Variants in CAPN2 observed in about 807,000 individuals in gnomAD.
The protein encoded by CAPN2 is calpain 2, also known as calpain-2 catalytic subunit.
In CAPN2, 92 loss-of-function variants were observed where a neutral mutation model predicts 102.3. The observed-to-expected ratio is 0.90, with a 90% confidence interval of 0.76 to 1.07. CAPN2 has a LOEUF of 1.07. Ranked by LOEUF, CAPN2 falls within the 50% of genes least tolerant of loss-of-function variation. The probability of loss-of-function intolerance (pLI) is 0.00; values close to 1 mark genes in which losing one functional copy is unlikely to be tolerated. For synonymous variants in CAPN2, 340 were observed against 355.4 expected (o/e 0.96, Z 0.49); for missense variants, 800 against 909.4 (o/e 0.88, Z 1.55).
intron 1 of CAPN2, among the ~76,000 whole-genome samples, chr1:223,706,944 G>GCTAATTA (rs1329056676): frequency 6.6e-6 from 1 of 151,952 alleles, no homozygotes; most frequent in East Asian, 1.9e-4. Flanking sequence ...GCTGGGCATG[G>GCTAATTA]CAGTGAGCCC....
chr1:223,749,482 C>T (rs1660833186), intron 6 of CAPN2: 1 of 254,490 alleles, frequency 3.9e-6, no homozygotes, highest in Non-Finnish European at 7.5e-6. Context: ...CTTTTGATCT[C>T]GTAAAAGTAT....
intron 1 of CAPN2, among the ~76,000 whole-genome samples, chr1:223,715,029 A>G (rs1171878483): frequency 6.6e-6 from 1 of 152,210 alleles, no homozygotes; most frequent in Non-Finnish European, 1.5e-5. Flanking sequence ...ACTTGCTCAG[A>G]GTCAAGTGGA....
chr1:223,742,769 C>A (rs1363906011), intron 2 of CAPN2, among the ~76,000 whole-genome samples: 1 of 152,152 alleles, frequency 6.6e-6, no homozygotes, highest in Non-Finnish European at 1.5e-5. Flanking sequence ...AACCCACTGA[C>A]CTTGGCCTCC....
intron 2 of CAPN2, among the ~76,000 whole-genome samples, chr1:223,740,823 C>T (rs1660592879): frequency 6.6e-6 from 1 of 152,204 alleles, no homozygotes; most frequent in African/African-American, 2.4e-5. Context: ...CTTTACACCT[C>T]TTAAGGACAA....
In CAPN2 at chr1:223,749,260, C is replaced by T. The variant is rs28370067; in HGVS notation, c.813+138C>T. 3.4e-4 allele frequency: 245 copies of T among 711,580 alleles called. No homozygotes were observed. The African/African-American group carries it at 4.1e-3, about 12-fold the overall frequency. 44.1% of individuals were successfully genotyped at this position (711,580 alleles called of 1,614,324 possible). ...CTCGGGCCCCGCACTCCTGAAGTTC[C>T]GCGCGGGAGGAGAAGGGCGTCCCTT... On this transcript the variant is annotated intron_variant, in intron 6 of 20. Transcript: ENST00000295006.
rs367844075 is a variant in CAPN2 at position 223,774,163 on chromosome 1, C to G, written c.2080-671C>G. On this transcript the variant is annotated intron_variant, in intron 20 of 20. Coordinates refer to ENST00000295006, the MANE Select transcript of CAPN2 (RefSeq NM_001748.5). ...CTATTCTACCCCAGCCACCCACCCC[C>G]ACTCCAGGGTCCACCTGGCCTGCCT... is the stretch of plus-strand genomic sequence containing the variant. 3.9e-5 allele frequency among the ~76,000 whole-genome samples: 6 copies of G among 152,068 alleles called. No individual in the cohort carries two copies. The East Asian group carries it at 7.7e-4, about 20-fold the overall frequency.
At chr1:223,758,131 G>C (rs1222078) in intron 11 of CAPN2, 14,279 of 152,214 alleles carry the variant, frequency 0.094, 1,654 homozygotes, top group African/African-American at 0.27. Flanking sequence ...AAAGTGCTAG[G>C]ATTACAGGTG....
At chr1:223,748,522 C>A (rs570971140) in intron 5 of CAPN2, among the ~76,000 whole-genome samples, 1 of 152,348 alleles carries the variant, frequency 6.6e-6, no homozygotes, top group African/African-American at 2.4e-5. Flanking sequence ...GAATAAACAA[C>A]CGTCCTAGTA....
intron 2 of CAPN2, among the ~76,000 whole-genome samples, chr1:223,741,968 G>A (rs921771590): frequency 5.3e-5 from 8 of 152,072 alleles, no homozygotes; most frequent in African/African-American, 7.2e-5. Context: ...ATGTGTCTCC[G>A]CTTACCATAG....
At chr1:223,707,653 A>G (rs942447516), upstream of CAPN2, among the ~76,000 whole-genome samples, 5 of 152,232 alleles carry the variant, frequency 3.3e-5, no homozygotes, top group African/African-American at 1.2e-4. Flanking sequence ...TTGTAAGCAG[A>G]GCTCTATGTG....
At chr1:223,764,619 G>A (rs1661268413) in intron 15 of CAPN2, among the ~76,000 whole-genome samples, 1 of 152,080 alleles carries the variant, frequency 6.6e-6, no homozygotes, top group African/African-American at 2.4e-5. Flanking sequence ...ACAGCCAGCT[G>A]ACTTTTGTAT....
chr1:223,716,847 A>G (rs1659883934), intron 1 of CAPN2, among the ~76,000 whole-genome samples: 2 of 152,070 alleles, frequency 1.3e-5, no homozygotes, highest in African/African-American at 4.8e-5. Context: ...GCTCATGACA[A>G]TGGCCCCTGA....
Position 223,771,951 on chromosome 1 carries a change from C to A in CAPN2, c.2020+26C>A, listed in dbSNP as rs370491251. On this transcript the variant is annotated intron_variant, in intron 19 of 20. Coordinates refer to ENST00000295006, the MANE Select transcript of CAPN2 (RefSeq NM_001748.5). Reference sequence around the variant, plus strand: ...GTAAGTGGATATTTGGGGAATGACTCATTTCAGTTCTCTTGGTATTAAAGT... The same window carrying A: ...GTAAGTGGATATTTGGGGAATGACTAATTTCAGTTCTCTTGGTATTAAAGT... The A allele has an allele frequency of 3.4e-6, 5 of 1,488,426 alleles. No homozygotes were observed. The African/African-American group carries it at 6.9e-5, about 21-fold the overall frequency. 92.2% of individuals were successfully genotyped at this position (1,488,426 alleles called of 1,614,324 possible). A position where few individuals can be genotyped will look rare whatever the true frequency, so the allele number is the denominator to read the frequency against.
Position 223,759,462 on chromosome 1 carries a change from G to GA in CAPN2, c.1514dup (p.Lys506GlufsTer3), listed in dbSNP as rs751388997. ...GGATTTCTGCATCCGGGTCTTTTCT[G>GA]AAAAGAAAGCTGACTACCAGTAGGC... On this transcript the variant is annotated frameshift_variant, in exon 12 of 21. Coordinates refer to ENST00000295006, the MANE Select transcript of CAPN2 (RefSeq NM_001748.5). LOFTEE classifies it high-confidence loss of function. This position sits in a 1 kb window ranked among gnomAD's most constrained non-coding sequence, Gnocchi z 4.6. 1.9e-6 allele frequency: 3 copies of GA among 1,613,908 alleles called. No homozygotes were observed. In the African/African-American group the frequency reaches 4.0e-5, roughly 22 times the overall value.
intron 16 of CAPN2, among the ~76,000 whole-genome samples, chr1:223,768,165 CT>C (rs1661384624): frequency 6.7e-6 from 1 of 150,156 alleles, no homozygotes; most frequent in African/African-American, 2.5e-5. Flanking sequence ...ATGGTAGTTT[CT>C]TTTGCTGTGC....
At chr1:223,705,820 T>C (rs1438071207) in intron 1 of CAPN2, among the ~76,000 whole-genome samples, 1 of 152,240 alleles carries the variant, frequency 6.6e-6, no homozygotes, top group Non-Finnish European at 1.5e-5. Flanking sequence ...ATGATAACAA[T>C]GATAGCATCT....
intron 14 of CAPN2, among the ~76,000 whole-genome samples, chr1:223,762,473 G>C (rs971469906): frequency 2.0e-5 from 3 of 152,152 alleles, no homozygotes; most frequent in Non-Finnish European, 4.4e-5. Context: ...GGTCAGCCCT[G>C]ACTCTGTGTT....
chr1:223,766,640 C>T (rs965906804), intron 16 of CAPN2, among the ~76,000 whole-genome samples: 3 of 152,210 alleles, frequency 2.0e-5, no homozygotes, highest in Non-Finnish European at 2.9e-5. Flanking sequence ...TACACCCCCC[C>T]TCCCACCTAC....
intron 13 of CAPN2, 84 bp downstream of exon 13, chr1:223,761,701 G>T (rs761910223): frequency 8.8e-7 from 1 of 1,141,834 alleles, no homozygotes; most frequent in South Asian, 1.3e-5. Context: ...AGAGTTTTTG[G>T]ACTTCACGAA....
Sources: allele counts gnomAD v4.1 joint callset (sites outside exome capture counted in the v4.1 genomes callset), GRCh38; gene constraint gnomAD v4.1.1; non-coding constraint Gnocchi (gnomAD v3.1); transcripts MANE v1.5; gene names NCBI Gene and HGNC (gene_info 2026-07-23, HGNC 2026-07-21).